Variants in CCDC102B observed in about 807,000 individuals in gnomAD.
The protein encoded by CCDC102B is coiled-coil domain-containing protein 102B.
A neutral mutation model predicts 57.4 loss-of-function variants in CCDC102B; 75 were observed. That is an observed-to-expected ratio of 1.31 (90% confidence interval 1.08 to 1.58). CCDC102B has a LOEUF of 1.58. CCDC102B is among the 40% of genes most tolerant of loss of function. The pLI, the probability that CCDC102B is intolerant of heterozygous loss-of-function variation, is 0.00. For missense variants in CCDC102B, 636 were observed against 582.6 expected, an observed-to-expected ratio of 1.09 and a Z score of -0.94; for synonymous variants, 206 against 201.9, an observed-to-expected ratio of 1.02 and a Z score of -0.17.
intron 7 of CCDC102B, among the ~76,000 whole-genome samples, chr18:69,023,056 A>G (rs2051889601): frequency 6.6e-6 from 1 of 152,154 alleles, no homozygotes; most frequent in African/African-American, 2.4e-5. Flanking sequence ...CTGCAATTGA[A>G]TTATGTGAGA....
intron 6 of CCDC102B, among the ~76,000 whole-genome samples, chr18:68,936,184 T>A (rs1374408421): frequency 6.6e-6 from 1 of 150,828 alleles, no homozygotes; most frequent in African/African-American, 2.4e-5. Flanking sequence ...TCCCAAGATA[T>A]CTCATTGGCA....
At chr18:68,867,904 A>C (rs965802507) in intron 4 of CCDC102B, among the ~76,000 whole-genome samples, 4 of 152,144 alleles carry the variant, frequency 2.6e-5, no homozygotes, top group Non-Finnish European at 5.9e-5. Flanking sequence ...ACTGCACTCC[A>C]TCCTGGGGCG....
At chr18:68,715,222 C>G, upstream of CCDC102B, 12 of 1,364,074 alleles carry the variant, frequency 8.8e-6, no homozygotes, top group Non-Finnish European at 1.1e-5. Context: ...TCTTAAGAAT[C>G]CTTTGCGCTC....
At chr18:69,056,167 T>C (rs569013464), downstream of CCDC102B, among the ~76,000 whole-genome samples, 3 of 152,248 alleles carry the variant, frequency 2.0e-5, no homozygotes, top group African/African-American at 7.2e-5. Flanking sequence ...GGAAGAAGAC[T>C]AATCTTGATT....
chr18:69,000,480 A>G (rs1279910372), intron 6 of CCDC102B, among the ~76,000 whole-genome samples: 1 of 152,196 alleles, frequency 6.6e-6, no homozygotes, highest in Non-Finnish European at 1.5e-5. Flanking sequence ...ACGTATATAG[A>G]CACATACATA....
intron 1 of CCDC102B, among the ~76,000 whole-genome samples, chr18:68,716,197 T>G (rs2031973696): frequency 6.6e-6 from 1 of 152,062 alleles, no homozygotes; most frequent in South Asian, 2.1e-4. Context: ...CCGGTGGTGG[T>G]GGAACAGCTT....
At chr18:68,975,784 TACAA>T (rs1430440319) in intron 6 of CCDC102B, among the ~76,000 whole-genome samples, 1 of 151,530 alleles carries the variant, frequency 6.6e-6, no homozygotes, top group African/African-American at 2.4e-5. Flanking sequence ...TAATTCTTTC[TACAA>T]ACAGTGTGTT....
intron 6 of CCDC102B, among the ~76,000 whole-genome samples, chr18:68,934,547 G>C (rs1362457096): frequency 6.6e-6 from 1 of 151,828 alleles, no homozygotes; most frequent in Admixed American, 6.6e-5. Flanking sequence ...TTTGGCCCAG[G>C]TATTTAACTG....
At chr18:68,988,169 A>G (rs948330164) in intron 6 of CCDC102B, among the ~76,000 whole-genome samples, 1 of 152,192 alleles carries the variant, frequency 6.6e-6, no homozygotes, top group East Asian at 1.9e-4. Context: ...AGTGGATTAG[A>G]AAAAAAATGT....
intron 6 of CCDC102B, among the ~76,000 whole-genome samples, chr18:68,980,027 T>C (rs904388909): frequency 6.6e-6 from 1 of 151,990 alleles, no homozygotes; most frequent in Admixed American, 6.6e-5. Flanking sequence ...AAGAATCAGC[T>C]GTGGCTAAGG....
In CCDC102B at chr18:68,914,070, C is replaced by G. The variant is rs145642414; in HGVS notation, c.1263+16642C>G. ...TATTCGGAAAATGACAAATCACCAC[C>G]AATTTTCTCAAAATACATTATAATA... On this transcript the variant is annotated intron_variant, in intron 6 of 7. Coordinates refer to ENST00000360242, the MANE Select transcript of CCDC102B (RefSeq NM_024781.3). Among the ~76,000 whole-genome samples, 999 of 152,242 alleles carry G rather than the reference C, an allele frequency of 6.6e-3. 11 individuals are homozygous for G. Among genetic ancestry groups the G allele is most frequent in the African/African-American group, 0.023 (957 of 41,534 alleles).
At chr18:68,750,162 C>G (rs75365915) in intron 2 of CCDC102B, among the ~76,000 whole-genome samples, 68,015 of 152,040 alleles carry the variant, frequency 0.45, 15,703 homozygotes, top group Non-Finnish European at 0.5. Flanking sequence ...ATTTGTGCAG[C>G]CAACAGACAC....
intron 6 of CCDC102B, among the ~76,000 whole-genome samples, chr18:68,937,046 T>C (rs1349373656): frequency 1.3e-5 from 2 of 151,990 alleles, no homozygotes; most frequent in East Asian, 1.9e-4. Flanking sequence ...ACTTAATCCA[T>C]AATCTTGTTT....
At chr18:68,854,907 G>C (rs1568290234) in intron 4 of CCDC102B, among the ~76,000 whole-genome samples, 1 of 152,046 alleles carries the variant, frequency 6.6e-6, no homozygotes, top group Admixed American at 6.6e-5. Context: ...CTGCTTCTTT[G>C]TGTTTGCATT....
chr18:69,030,466 A>G (rs2052109270), intron 7 of CCDC102B, among the ~76,000 whole-genome samples: 1 of 152,220 alleles, frequency 6.6e-6, no homozygotes, highest in African/African-American at 2.4e-5. Flanking sequence ...GAAGATTAGA[A>G]CTCAGAAGCT....
At chr18:68,872,695 C>G (rs1464564140) in intron 4 of CCDC102B, among the ~76,000 whole-genome samples, 1 of 151,712 alleles carries the variant, frequency 6.6e-6, no homozygotes, top group Non-Finnish European at 1.5e-5. Flanking sequence ...ATGTGGCCTC[C>G]CTTTTCTTGT....
intron 6 of CCDC102B, among the ~76,000 whole-genome samples, chr18:68,909,464 A>G (rs1291893674): frequency 6.6e-6 from 1 of 152,204 alleles, no homozygotes; most frequent in Non-Finnish European, 1.5e-5. Context: ...ATCAGATTCT[A>G]CCAATAAGTA....
At chr18:68,977,425 G>C (rs568501748) in intron 6 of CCDC102B, among the ~76,000 whole-genome samples, 102 of 151,656 alleles carry the variant, frequency 6.7e-4, no homozygotes, top group African/African-American at 2.4e-3. Flanking sequence ...AGTCCCCCAT[G>C]CCCTGACAGG....
chr18:69,039,439 T>A (rs1467941358), intron 7 of CCDC102B, among the ~76,000 whole-genome samples: 1 of 151,994 alleles, frequency 6.6e-6, no homozygotes, highest in Non-Finnish European at 1.5e-5. Flanking sequence ...TATCATAGGT[T>A]ACTTACTAAA....
Sources: gnomAD v4.1 joint callset for allele counts (sites outside exome capture counted in the v4.1 genomes callset) on GRCh38, gnomAD v4.1.1 for gene constraint, MANE v1.5 for transcripts, NCBI Gene and HGNC (gene_info 2026-07-23, HGNC 2026-07-21) for gene names.